HNRNPR: variants seen among roughly 807,000 people sequenced by gnomAD.
The protein encoded by HNRNPR is heterogeneous nuclear ribonucleoprotein R.
In HNRNPR, 4 loss-of-function variants were observed where a neutral mutation model predicts 70.3. The ratio of observed to expected loss-of-function variants is 0.06; its 90% CI spans 0.03 to 0.13. The LOEUF (loss-of-function observed/expected upper bound fraction) is 0.13. Among genes scored for constraint, HNRNPR ranks in the 10% least tolerant of loss-of-function variants. The probability of loss-of-function intolerance (pLI) is 1.00; values close to 1 mark genes in which losing one functional copy is unlikely to be tolerated. For synonymous variants in HNRNPR, 241 were observed against 267.6 expected (o/e 0.90, Z 0.97); for missense variants, 423 against 788.5 (o/e 0.54, Z 5.55).
rs1645625561 is a variant in HNRNPR, at chr1:23,318,211, A to G, written c.1017+272T>C. ...CTATCCCTCACAGTGCCTAGCACTA[A>G]ACAAACACCCAGTGTGTATGGGACT... On this transcript the variant is annotated intron_variant, in intron 8 of 10. Transcript: ENST00000302271. The surrounding 1 kb of genome is among the most constrained non-coding windows in gnomAD (Gnocchi z 4.2). 6.6e-6 allele frequency among the ~76,000 whole-genome samples: 1 copy of G among 151,632 alleles called. No individual in the cohort carries two copies. The highest frequency in any genetic ancestry group is 6.6e-5 in the Admixed American group (1 of 15,230).
chr1:23,337,397 G>A (rs749848926), intron 4 of HNRNPR, among the ~76,000 whole-genome samples: 6 of 152,112 alleles, frequency 3.9e-5, no homozygotes, highest in Admixed American at 6.5e-5. Context: ...GGTGGCTCAC[G>A]TCTGTAATCC....
chr1:23,317,359 G>A (rs1376102965), intron 8 of HNRNPR, among the ~76,000 whole-genome samples: 1 of 152,142 alleles, frequency 6.6e-6, no homozygotes, highest in African/African-American at 2.4e-5. Context: ...TTGGGAGGCT[G>A]AGGCAGGAGA....
Position 23,306,539 on chromosome 1 carries a change from A to G in HNRNPR, c.*3915T>C, listed in dbSNP as rs986994435. The stretch of plus-strand genomic sequence containing the variant: ...GGTGATAAAAGGAAGGAGTTAAAAC[A>G]GGAAAAGTACACTTGCAGATTTCTG... On this transcript the variant is annotated 3_prime_UTR_variant, in exon 11 of 11. Transcript: ENST00000302271. The G allele has an allele frequency of 6.6e-6, 1 of 152,290 alleles. No individual in the cohort carries two copies. Among genetic ancestry groups the G allele is most frequent in the Non-Finnish European group, 1.5e-5 (1 of 68,012 alleles). The allele number at this position is 152,290 out of a possible 1,614,324, so 9.4% of individuals were successfully genotyped here.
At chr1:23,343,752 C>T (rs1208861651) in intron 1 of HNRNPR, among the ~76,000 whole-genome samples, 7 of 152,226 alleles carry the variant, frequency 4.6e-5, no homozygotes, top group Non-Finnish European at 2.9e-5. Flanking sequence ...GATCTGCACC[C>T]CGCCTTCCGC....
In HNRNPR at chr1:23,337,808, T is replaced by C. The variant is rs1024125534; in HGVS notation, c.330A>G (p.Lys110=). Residue 110 remains lysine (K), a synonymous_variant, in exon 4 of 11, where the codon AAA becomes AAG. Transcript: ENST00000302271. ...GVMKTYRQRE[K]QGSKVQESTK... ...TGGACTCTTGCACCTTGCTCCCCTG[T>C]TTCTCTCTCTGCCTGTAGGTCTTCA... 1.2e-6 allele frequency: 2 copies of C among 1,613,688 alleles called. No homozygotes were observed. Among genetic ancestry groups the C allele is most frequent in the Non-Finnish European group, 1.7e-6 (2 of 1,179,798 alleles).
At chr1:23,316,373 C>T (rs1645547949) in intron 8 of HNRNPR, among the ~76,000 whole-genome samples, 1 of 152,118 alleles carries the variant, frequency 6.6e-6, no homozygotes, top group African/African-American at 2.4e-5. Context: ...TAGAGACCTC[C>T]TTTTCATTCT....
intron 2 of HNRNPR, among the ~76,000 whole-genome samples, chr1:23,338,855 G>A (rs868316112): frequency 1.3e-5 from 2 of 151,900 alleles, no homozygotes; most frequent in African/African-American, 2.4e-5. Context: ...AACCTCCCCC[G>A]CCAAATCCTA....
At chr1:23,340,118 T>C (rs1646656621) in intron 2 of HNRNPR, among the ~76,000 whole-genome samples, 1 of 152,108 alleles carries the variant, frequency 6.6e-6, no homozygotes, top group South Asian at 2.1e-4. Context: ...TCTCAGAATC[T>C]GAATAGGCAC....
In HNRNPR at chr1:23,340,895, G is replaced by A. The variant is rs1255796191; in HGVS notation, c.114C>T (p.Leu38=). The A allele has an allele frequency of 1.2e-6, 2 of 1,612,328 alleles. No homozygotes were observed. Among genetic ancestry groups the A allele is most frequent in the Non-Finnish European group, 8.5e-7 (1 of 1,179,176 alleles). ...CAAGTCTTTCTGCCACCTTCTGTGG[G>A]AGGCCTGCCTCTATCAGTGTCTTGT... The part of the protein sequence containing the change: ...EHYKTLIEAG[L]PQKVAERLDE... The change falls in exon 2 of 11, where the codon CTC becomes CTT. Residue 38 remains leucine (L), a synonymous_variant. Coordinates refer to ENST00000302271, the MANE Select transcript of HNRNPR (RefSeq NM_005826.5).
rs1645625946 is a variant in HNRNPR at position 23,318,227 on chromosome 1, G to C, written c.1017+256C>G. On this transcript the variant is annotated intron_variant, in intron 8 of 10. Transcript: ENST00000302271. This position sits in a 1 kb window ranked among gnomAD's most constrained non-coding sequence, Gnocchi z 4.2. Reference sequence around the variant, plus strand: ...CTAGCACTAAACAAACACCCAGTGTGTATGGGACTACTTAATTGAAGGAAT... The same window carrying C: ...CTAGCACTAAACAAACACCCAGTGTCTATGGGACTACTTAATTGAAGGAAT... Among the ~76,000 whole-genome samples, 1 of 150,604 alleles carries C rather than the reference G, an allele frequency of 6.6e-6. No homozygotes were observed. The highest frequency in any genetic ancestry group is 2.4e-5 in the African/African-American group (1 of 41,120).
chr1:23,318,787 T>C lies in HNRNPR; in HGVS notation c.812-99A>G. Reference sequence around the variant, plus strand: ...CACTTGACGATGAGCAAAATATAAGTGAAGCAGCCTCAACATGAGTCACTA... The same window carrying C: ...CACTTGACGATGAGCAAAATATAAGCGAAGCAGCCTCAACATGAGTCACTA... On this transcript the variant is annotated intron_variant, in intron 7 of 10. Transcript: ENST00000302271. The surrounding 1 kb of genome is among the most constrained non-coding windows in gnomAD (Gnocchi z 4.2). 3 of 1,069,202 alleles carry C rather than the reference T, an allele frequency of 2.8e-6. No homozygotes were observed. In the South Asian group the frequency reaches 4.4e-5, roughly 16 times the overall value. The allele number at this position is 1,069,202 out of a possible 1,614,324, so 66.2% of individuals were successfully genotyped here.
chr1:23,322,882 G>A (rs764503932), intron 6 of HNRNPR, among the ~76,000 whole-genome samples: 12 of 152,196 alleles, frequency 7.9e-5, no homozygotes, highest in Non-Finnish European at 1.3e-4. Context: ...TACAGCAGGA[G>A]TGAAGATACA....
intron 9 of HNRNPR, among the ~76,000 whole-genome samples, chr1:23,312,782 C>T (rs1053405522): frequency 6.6e-6 from 1 of 152,088 alleles, no homozygotes; most frequent in Non-Finnish European, 1.5e-5. Context: ...AGAAAAAGAA[C>T]CATGCCTGTG....
intron 4 of HNRNPR, among the ~76,000 whole-genome samples, 197 bp downstream of exon 4, chr1:23,337,557 T>G (rs1190360933): frequency 6.6e-6 from 1 of 151,596 alleles, no homozygotes. Flanking sequence ...CTTGGGAGGC[T>G]GAGGCAGGAG....
intron 5 of HNRNPR, among the ~76,000 whole-genome samples, chr1:23,324,588 T>TA (rs1427053870): frequency 6.6e-6 from 1 of 151,836 alleles, no homozygotes; most frequent in Non-Finnish European, 1.5e-5. Flanking sequence ...AATAAATAAA[T>TA]AAAAAGCAAT....
Position 23,310,889 on chromosome 1 carries a change from G to A in HNRNPR, c.1467C>T (p.Pro489=). 1.9e-6 allele frequency: 3 copies of A among 1,614,062 alleles called. No homozygotes were observed. Among genetic ancestry groups the A allele is most frequent in the East Asian group, 2.2e-5 (1 of 44,868 alleles). ...CATAGCCATCATCATAGCCGTAGTA[G>A]GGATCTTCATAGCCTCCACGATAGT... ...YHDYRGGYED[P]YYGYDDGYAV... is the part of the protein sequence containing the mutation. The change falls in exon 11 of 11, where the codon CCC becomes CCT. Residue 489 remains proline (P), a synonymous_variant. Transcript: ENST00000302271. This position sits in a 1 kb window ranked among gnomAD's most constrained non-coding sequence, Gnocchi z 6.0.
At chr1:23,325,617 A>T (rs1645941560) in intron 5 of HNRNPR, among the ~76,000 whole-genome samples, 1 of 152,040 alleles carries the variant, frequency 6.6e-6, no homozygotes, top group Admixed American at 6.6e-5. Flanking sequence ...CTTCTATCGC[A>T]CCTCAGAGAA....
chr1:23,330,056 T>C (rs1211978450), intron 5 of HNRNPR, among the ~76,000 whole-genome samples: 1 of 152,204 alleles, frequency 6.6e-6, no homozygotes, highest in East Asian at 1.9e-4. Flanking sequence ...TCATATACTT[T>C]AGGGCTCTGT....
chr1:23,335,748 T>A (rs1646447965), intron 4 of HNRNPR, among the ~76,000 whole-genome samples: 1 of 152,216 alleles, frequency 6.6e-6, no homozygotes. Flanking sequence ...TGGTGAGTTG[T>A]ATAATTATTT....
Sources: allele counts gnomAD v4.1 joint callset (sites outside exome capture counted in the v4.1 genomes callset), GRCh38; gene constraint gnomAD v4.1.1; non-coding constraint Gnocchi (gnomAD v3.1); transcripts MANE v1.5; gene names NCBI Gene and HGNC (gene_info 2026-07-23, HGNC 2026-07-21).